The following CPD variants were observed in gnomAD, a reference collection of about 807,000 sequenced individuals.
The protein encoded by CPD is carboxypeptidase D, also known as metallocarboxypeptidase D.
In CPD, 69 loss-of-function variants were observed where a neutral mutation model predicts 138.3. The ratio of observed to expected loss-of-function variants is 0.50; its 90% CI spans 0.41 to 0.61. The LOEUF (loss-of-function observed/expected upper bound fraction) is 0.61. CPD is among the 20% of genes least tolerant of loss of function. The pLI, the probability that CPD is intolerant of heterozygous loss-of-function variation, is 0.00. For missense variants in CPD, 1,432 were observed against 1,733.3 expected, an observed-to-expected ratio of 0.83 and a Z score of 3.09; for synonymous variants, 651 against 642.1, an observed-to-expected ratio of 1.01 and a Z score of -0.21.
chr17:30,402,013 C>T, intron 2 of CPD, among the ~76,000 whole-genome samples: 1 of 149,386 alleles, frequency 6.7e-6, no homozygotes. Context: ...CAATAGTAGG[C>T]CTTTTGCTAT....
intron 2 of CPD, among the ~76,000 whole-genome samples, chr17:30,418,347 A>C (rs577149719): frequency 1.3e-5 from 2 of 151,892 alleles, no homozygotes; most frequent in East Asian, 3.9e-4. Flanking sequence ...TGCCCAGCTA[A>C]TTTTTTTGTA....
intron 8 of CPD, among the ~76,000 whole-genome samples, chr17:30,436,667 T>C (rs558033007): frequency 1.6e-4 from 24 of 152,300 alleles, no homozygotes; most frequent in African/African-American, 2.4e-4. Context: ...ACATTGCTGG[T>C]GGGGTGTAAA....
At position 30,455,383 on chromosome 17, in the gene CPD, A is replaced by C. The variant is rs2143497809; in HGVS notation, c.3250A>C (p.Ile1084Leu). The C allele has an allele frequency of 6.2e-7, 1 of 1,613,600 alleles. No individual in the cohort carries two copies. The highest frequency in any genetic ancestry group is 1.3e-5 in the African/African-American group (1 of 75,016). ...GACCAAAGCCATCATTGAAAATTTG[A>C]TTCAAAAACAGGACTTTAGTCTTTC... ...PETKAIIENLIQKQDFSLSVA... is the reference protein window; with the variant it reads ...PETKAIIENLLQKQDFSLSVA... Residue 1084 changes from isoleucine (I) to leucine (L), a missense_variant, in exon 15 of 21, where the codon ATT becomes CTT. Coordinates refer to ENST00000225719, the MANE Select transcript of CPD (RefSeq NM_001304.5).
chr17:30,401,378 TTCC>T (rs1911661810), intron 2 of CPD, among the ~76,000 whole-genome samples: 1 of 151,218 alleles, frequency 6.6e-6, no homozygotes, highest in Admixed American at 6.6e-5. Flanking sequence ...CTTCCTCTTC[TTCC>T]TCCTCTTCCT....
intron 2 of CPD, among the ~76,000 whole-genome samples, chr17:30,420,475 A>G (rs1405410236): frequency 1.3e-5 from 2 of 152,190 alleles, no homozygotes; most frequent in South Asian, 2.1e-4. Flanking sequence ...TCTGCCTCAT[A>G]TAATTGCTGT....
chr17:30,451,638 G>A (rs1913168861), intron 13 of CPD, 73 bp from the exon 14 acceptor site: 3 of 1,371,044 alleles, frequency 2.2e-6, no homozygotes, highest in Non-Finnish European at 3.0e-6. Flanking sequence ...CAGACTTTCT[G>A]TTTGAGGCAT....
chr17:30,395,769 G>A (rs1272709534), intron 2 of CPD, among the ~76,000 whole-genome samples: 1 of 151,044 alleles, frequency 6.6e-6, no homozygotes, highest in Non-Finnish European at 1.5e-5. Flanking sequence ...CTATGTGGGA[G>A]ACAGTGTTAA....
At chr17:30,429,252 G>A (rs907434196) in intron 7 of CPD, among the ~76,000 whole-genome samples, 2 of 151,978 alleles carry the variant, frequency 1.3e-5, no homozygotes, top group Non-Finnish European at 2.9e-5. Context: ...CACTTATTTA[G>A]AGCTTTAAAA....
chr17:30,418,597 C>G lies in CPD; in HGVS notation c.995-2244C>G, dbSNP rs74457393. Among the ~76,000 whole-genome samples the G allele has an allele frequency of 6.4e-3, 969 of 152,082 alleles. 8 individuals carry two copies. Among genetic ancestry groups the G allele is most frequent in the African/African-American group, 0.023 (943 of 41,382 alleles). Reference sequence around the variant, plus strand: ...CATAATATAAAATTTACCATTGTAACTGTTTTTAAGGGTACAATTCCCTTG... The same window carrying G: ...CATAATATAAAATTTACCATTGTAAGTGTTTTTAAGGGTACAATTCCCTTG... On this transcript the variant is annotated intron_variant, in intron 2 of 20. Coordinates refer to ENST00000225719, the MANE Select transcript of CPD (RefSeq NM_001304.5).
At chr17:30,435,500 C>T (rs901191104) in intron 8 of CPD, among the ~76,000 whole-genome samples, 8 of 151,770 alleles carry the variant, frequency 5.3e-5, no homozygotes, top group African/African-American at 1.9e-4. Flanking sequence ...CACCACACCC[C>T]AAAATTAGCT....
intron 8 of CPD, among the ~76,000 whole-genome samples, chr17:30,438,637 C>T (rs1054970978): frequency 5.3e-5 from 8 of 151,982 alleles, no homozygotes; most frequent in African/African-American, 9.7e-5. Context: ...AAGCATGAAA[C>T]GAAAGTATAA....
chr17:30,418,006 G>A (rs1912160342), intron 2 of CPD, among the ~76,000 whole-genome samples: 1 of 151,832 alleles, frequency 6.6e-6, no homozygotes, highest in Non-Finnish European at 1.5e-5. Context: ...CCTTTACAAA[G>A]CCATTTTCCC....
intron 2 of CPD, among the ~76,000 whole-genome samples, chr17:30,417,727 C>T (rs982453763): frequency 1.3e-5 from 2 of 152,150 alleles, no homozygotes; most frequent in Non-Finnish European, 2.9e-5. Flanking sequence ...ACTGCCTAAC[C>T]GGGCTTTTTG....
chr17:30,430,958 C>G (rs1490484965), intron 7 of CPD, among the ~76,000 whole-genome samples: 1 of 152,104 alleles, frequency 6.6e-6, no homozygotes, highest in African/African-American at 2.4e-5. Context: ...TACGCAGCCC[C>G]TGTATTCAGT....
At position 30,462,476 on chromosome 17, in the gene CPD, A is replaced by G; in HGVS notation, c.3916+7A>G. 7 of 1,606,474 alleles carry G rather than the reference A, an allele frequency of 4.4e-6. No individual in the cohort carries two copies. The highest frequency in any genetic ancestry group is 6.0e-6 in the Non-Finnish European group (7 of 1,174,114). ...CTTGTGGTAACTGTATCAGGTAAAG[A>G]CATTTTGATTTTTAGTAGTAAAAGT... On this transcript the variant is annotated splice_region_variant and intron_variant, in intron 20 of 20. Coordinates refer to ENST00000225719, the MANE Select transcript of CPD (RefSeq NM_001304.5).
In CPD at chr17:30,449,588, C is replaced by G; in HGVS notation, c.2909C>G (p.Ser970Cys). ...AGCACTGAATATCGTCACATTTGGT[C>G]CCTTGAAATCTCCAATAAGCCCAAT... ...GQSTEYRHIW[S>C]LEISNKPNVS... The change falls in exon 13 of 21, where the codon TCC becomes TGC. Residue 970 changes from serine to cysteine, a missense_variant. Transcript: ENST00000225719. 1 of 1,600,836 alleles carries G rather than the reference C, an allele frequency of 6.2e-7. No homozygotes were observed. Among genetic ancestry groups the G allele is most frequent in the Non-Finnish European group, 8.5e-7 (1 of 1,176,706 alleles).
chr17:30,455,600 A>C (rs1000505567), intron 15 of CPD, 130 bp downstream of exon 15: 23 of 998,558 alleles, frequency 2.3e-5, no homozygotes, highest in African/African-American at 3.3e-5. Context: ...TTACCAACCA[A>C]AGAAGATTGT....
intron 2 of CPD, among the ~76,000 whole-genome samples, chr17:30,408,566 G>C (rs1022419470): frequency 6.6e-6 from 1 of 152,060 alleles, no homozygotes; most frequent in Non-Finnish European, 1.5e-5. Context: ...TCTCTTTGTA[G>C]CAATTGTGAA....
At chr17:30,462,265 C>T in intron 19 of CPD, 105 bp from the exon 20 acceptor site, 3 of 1,068,394 alleles carry the variant, frequency 2.8e-6, no homozygotes, top group South Asian at 1.5e-5. Flanking sequence ...CTTTAGATGG[C>T]AATGCATCAT....
Sources: gnomAD v4.1 joint callset for allele counts (sites outside exome capture counted in the v4.1 genomes callset) on GRCh38, gnomAD v4.1.1 for gene constraint, MANE v1.5 for transcripts, NCBI Gene and HGNC (gene_info 2026-07-23, HGNC 2026-07-21) for gene names.